Variants in C4orf51 observed in about 807,000 individuals in gnomAD.
C4orf51 encodes the protein chromosome 4 open reading frame 51.
In C4orf51, 25 loss-of-function variants were observed where a neutral mutation model predicts 25.2. The observed-to-expected ratio is 0.99, with a 90% CI of 0.72 to 1.39. The LOEUF (loss-of-function observed/expected upper bound fraction) is 1.39. Ranked by LOEUF, C4orf51 falls within the 40% of genes most tolerant of loss-of-function variation. The pLI is 0.00. For synonymous variants in C4orf51, 100 were observed against 84.5 expected (o/e 1.18, Z -1.01); for missense variants, 252 against 239.6 (o/e 1.05, Z -0.34).
downstream of C4orf51, among the ~76,000 whole-genome samples, chr4:145,734,591 C>G (rs1464050654): frequency 6.6e-6 from 1 of 152,166 alleles, no homozygotes; most frequent in Non-Finnish European, 1.5e-5. Context: ...TTTGCTGTTC[C>G]TCCTGTTTCC....
chr4:145,776,069 T>C, the C4orf51 span: 107 of 1,272,006 alleles, frequency 8.4e-5, no homozygotes, highest in African/African-American at 1.3e-3. Context: ...TCAAGTCATA[T>C]TTCAGATGGA....
At chr4:145,731,852 G>C (rs1732501257) in intron 5 of C4orf51, among the ~76,000 whole-genome samples, 1 of 151,580 alleles carries the variant, frequency 6.6e-6, no homozygotes, top group Non-Finnish European at 1.5e-5. Context: ...AAACTGCTGG[G>C]ATTACAGGCG....
At chr4:145,727,075 C>A in intron 3 of C4orf51, 106 bp downstream of exon 3, 2 of 817,036 alleles carry the variant, frequency 2.4e-6, no homozygotes, top group Non-Finnish European at 4.0e-6. Flanking sequence ...TTTTAAAAAA[C>A]AATATTCACC....
intron 1 of C4orf51, among the ~76,000 whole-genome samples, chr4:145,694,360 C>T (rs1244045813): frequency 1.1e-4 from 15 of 141,492 alleles, no homozygotes; most frequent in African/African-American, 2.0e-4. Context: ...CTGCCCCGTC[C>T]GGGAGGGAGG....
chr4:145,701,266 C>T (rs1315929498), intron 2 of C4orf51, among the ~76,000 whole-genome samples: 1 of 152,132 alleles, frequency 6.6e-6, no homozygotes, highest in Non-Finnish European at 1.5e-5. Flanking sequence ...CTTGCCTCCA[C>T]TGTGAGACAA....
At chr4:145,721,561 A>G (rs1262137734) in intron 2 of C4orf51, among the ~76,000 whole-genome samples, 1 of 152,092 alleles carries the variant, frequency 6.6e-6, no homozygotes, top group Non-Finnish European at 1.5e-5. Context: ...TCCTCTCTCT[A>G]TTTTAAATTA....
chr4:145,756,345 T>C (rs1389247589), downstream of C4orf51, among the ~76,000 whole-genome samples: 2 of 152,134 alleles, frequency 1.3e-5, no homozygotes, highest in African/African-American at 2.4e-5. Flanking sequence ...GTAGGAGAAA[T>C]ATCTAATTGT....
intron 1 of C4orf51, among the ~76,000 whole-genome samples, chr4:145,770,357 C>G (rs1736084473): frequency 6.7e-6 from 1 of 149,458 alleles, no homozygotes. Flanking sequence ...TAAAATAGAT[C>G]AGAACATGTG....
chr4:145,737,760 A>G (rs1732879633), downstream of C4orf51, among the ~76,000 whole-genome samples: 1 of 152,014 alleles, frequency 6.6e-6, no homozygotes. Context: ...TCTGACTCTC[A>G]CTCCTTCGTA....
intron 2 of C4orf51, among the ~76,000 whole-genome samples, chr4:145,718,172 A>G (rs764335804): frequency 6.6e-6 from 1 of 152,212 alleles, no homozygotes; most frequent in Non-Finnish European, 1.5e-5. Context: ...GGTCTCTTTT[A>G]TTCTTGCTGT....
At chr4:145,782,262 G>A in the C4orf51 span, among the ~76,000 whole-genome samples, 1 of 152,222 alleles carries the variant, frequency 6.6e-6, no homozygotes, top group Non-Finnish European at 1.5e-5. Flanking sequence ...CGAAATCACG[G>A]CTGGGTGGGG....
At chr4:145,752,831 A>G (rs950428068) in intron 1 of C4orf51, among the ~76,000 whole-genome samples, 3 of 152,132 alleles carry the variant, frequency 2.0e-5, no homozygotes, top group Non-Finnish European at 4.4e-5. Context: ...TGGATAGGCA[A>G]TTCCCCTCTG....
At chr4:145,725,903 TA>T (rs1732029468) in intron 2 of C4orf51, among the ~76,000 whole-genome samples, 1 of 152,218 alleles carries the variant, frequency 6.6e-6, no homozygotes, top group South Asian at 2.1e-4. Context: ...ACTGTGTACT[TA>T]AATTTTGTCA....
At chr4:145,738,892 T>C (rs768531187) in intron 1 of C4orf51, among the ~76,000 whole-genome samples, 13 of 152,310 alleles carry the variant, frequency 8.5e-5, no homozygotes. Flanking sequence ...CTGTCCACCT[T>C]GGCCTCCCAA....
chr4:145,718,441 A>G (rs1428133242), intron 2 of C4orf51, among the ~76,000 whole-genome samples: 2 of 152,246 alleles, frequency 1.3e-5, no homozygotes, highest in Non-Finnish European at 2.9e-5. Flanking sequence ...TGTAATTTCA[A>G]GAGTATTTGT....
intron 1 of C4orf51, among the ~76,000 whole-genome samples, chr4:145,748,872 C>T (rs550191530): frequency 9.9e-5 from 15 of 151,986 alleles, no homozygotes; most frequent in African/African-American, 3.1e-4. Flanking sequence ...CTATAAATAT[C>T]GATTAGGTCC....
chr4:145,722,997 A>G (rs1378754786), intron 2 of C4orf51, among the ~76,000 whole-genome samples: 1 of 152,186 alleles, frequency 6.6e-6, no homozygotes, highest in Non-Finnish European at 1.5e-5. Flanking sequence ...CTGATTCTAA[A>G]TTACGGTGAG....
intron 2 of C4orf51, among the ~76,000 whole-genome samples, chr4:145,714,661 G>A (rs929906615): frequency 5.9e-5 from 9 of 152,294 alleles, no homozygotes; most frequent in African/African-American, 2.2e-4. Context: ...CATTTTGGGG[G>A]ATTGGTAACT....
chr4:145,711,879 T>C (rs1236165350), intron 2 of C4orf51, among the ~76,000 whole-genome samples: 2 of 152,208 alleles, frequency 1.3e-5, no homozygotes, highest in Non-Finnish European at 2.9e-5. Context: ...GTGGCAACCT[T>C]GCATCAAGCA....
Sources: gnomAD v4.1 joint callset for allele counts (sites outside exome capture counted in the v4.1 genomes callset) on GRCh38, gnomAD v4.1.1 for gene constraint, MANE v1.5 for transcripts, NCBI Gene and HGNC (gene_info 2026-07-23, HGNC 2026-07-21) for gene names.